The following CNTN1 variants were observed in gnomAD, a reference collection of about 807,000 sequenced individuals.
CNTN1 encodes the protein contactin 1.
Under a neutral mutation model 126.4 loss-of-function variants are expected in CNTN1, and 38 were observed. The observed-to-expected ratio is 0.30, with a 90% CI of 0.23 to 0.39. The LOEUF is 0.39. Among genes scored for constraint, CNTN1 ranks in the 10% least tolerant of loss-of-function variants. The pLI is 1.00. For missense variants in CNTN1, 1,009 were observed against 1,248.4 expected (o/e 0.81, Z 2.89); for synonymous variants, 413 against 422.6 (o/e 0.98, Z 0.28).
intron 11 of CNTN1, among the ~76,000 whole-genome samples, chr12:40,938,163 G>A (rs7305600): frequency 0.24 from 37,191 of 152,106 alleles, 4,966 homozygotes; most frequent in Middle Eastern, 0.34. Flanking sequence ...CTTGGAGTCT[G>A]CCAAGGGAAG....
At chr12:40,993,385 G>A in intron 17 of CNTN1, 116 bp downstream of exon 17, 2 of 847,734 alleles carry the variant, frequency 2.4e-6, no homozygotes, top group Non-Finnish European at 1.9e-6. Context: ...CATCTGAAAA[G>A]CATGTGTGTG....
Position 40,804,163 on chromosome 12 carries a change from C to A in CNTN1, c.-76-104194C>A, listed in dbSNP as rs138479624. On this transcript the variant is annotated intron_variant, in intron 1 of 23. Transcript: ENST00000551295. ...ACTTTTTTCTGGAAGTTACATAGAA[C>A]AAAAGACAGATCAGGTAAAAGCAGT... Among the ~76,000 whole-genome samples, 830 of 151,956 alleles carry A rather than the reference C, an allele frequency of 5.5e-3. 5 individuals carry two copies. Among genetic ancestry groups the A allele is most frequent in the African/African-American group, 0.018 (766 of 41,480 alleles).
chr12:40,846,698 G>C (rs915954312), intron 1 of CNTN1, among the ~76,000 whole-genome samples: 1 of 97,138 alleles, frequency 1.0e-5, no homozygotes, highest in Non-Finnish European at 2.3e-5. Context: ...AATTTTTGTT[G>C]TTGTTGCTGC....
chr12:41,048,217 T>C (rs966871850), intron 23 of CNTN1, among the ~76,000 whole-genome samples: 10 of 152,196 alleles, frequency 6.6e-5, no homozygotes. Context: ...CTTGAATTCA[T>C]GACCACAAAA....
At chr12:40,853,360 T>C (rs1429142268) in intron 1 of CNTN1, among the ~76,000 whole-genome samples, 1 of 152,122 alleles carries the variant, frequency 6.6e-6, no homozygotes, top group East Asian at 1.9e-4. Context: ...CCATTATTAG[T>C]GGATTAACTA....
At chr12:41,064,470 A>C (rs1950008181) in intron 23 of CNTN1, among the ~76,000 whole-genome samples, 1 of 152,246 alleles carries the variant, frequency 6.6e-6, no homozygotes, top group African/African-American at 2.4e-5. Flanking sequence ...AACAAGAAAT[A>C]AACTTCATGA....
intron 20 of CNTN1, among the ~76,000 whole-genome samples, chr12:41,020,703 T>G (rs1166730888): frequency 6.6e-6 from 1 of 152,218 alleles, no homozygotes; most frequent in African/African-American, 2.4e-5. Context: ...ATAACACTTA[T>G]GATTACCCAA....
chr12:40,903,365 C>A (rs1169292086), intron 1 of CNTN1, among the ~76,000 whole-genome samples: 1 of 148,696 alleles, frequency 6.7e-6, no homozygotes, highest in Non-Finnish European at 1.5e-5. Flanking sequence ...GCTCCTGTGA[C>A]TGGCACATGT....
intron 1 of CNTN1, among the ~76,000 whole-genome samples, chr12:40,707,567 A>G (rs149153813): frequency 4.6e-5 from 7 of 152,110 alleles, no homozygotes; most frequent in South Asian, 2.1e-4. Flanking sequence ...CTTCTTTTCT[A>G]ACAAAGGATG....
chr12:41,048,588 A>C (rs1306686848), intron 23 of CNTN1, among the ~76,000 whole-genome samples: 1 of 152,046 alleles, frequency 6.6e-6, no homozygotes, highest in Non-Finnish European at 1.5e-5. Flanking sequence ...CTTCTACATC[A>C]TTATATTTCT....
intron 22 of CNTN1, among the ~76,000 whole-genome samples, chr12:41,028,605 T>A (rs971235778): frequency 6.6e-6 from 1 of 152,138 alleles, no homozygotes; most frequent in Non-Finnish European, 1.5e-5. Flanking sequence ...TGTTTATAAA[T>A]GAATAAAAAG....
chr12:40,755,190 C>CA (rs557970110), intron 1 of CNTN1, among the ~76,000 whole-genome samples: 25 of 78,200 alleles, frequency 3.2e-4, no homozygotes, highest in Non-Finnish European at 4.8e-4. Flanking sequence ...GACCCCACCT[C>CA]AAAAAAAAAA....
At chr12:40,911,760 T>G (rs1945045936) in intron 3 of CNTN1, among the ~76,000 whole-genome samples, 1 of 152,168 alleles carries the variant, frequency 6.6e-6, no homozygotes, top group Non-Finnish European at 1.5e-5. Context: ...TATCTACCTT[T>G]AAAAACAAGG....
At chr12:40,905,458 A>G (rs1248001769) in intron 1 of CNTN1, among the ~76,000 whole-genome samples, 1 of 152,170 alleles carries the variant, frequency 6.6e-6, no homozygotes, top group Admixed American at 6.5e-5. Context: ...GCCCCTCAAT[A>G]GCAACACTGC....
intron 1 of CNTN1, among the ~76,000 whole-genome samples, chr12:40,738,434 G>A (rs866228974): frequency 3.9e-5 from 6 of 152,036 alleles, no homozygotes; most frequent in African/African-American, 1.4e-4. Flanking sequence ...AAATATGTGG[G>A]TGACTTTTGT....
chr12:41,025,304 G>C lies in CNTN1; in HGVS notation c.2678G>C (p.Ser893Thr), dbSNP rs2120820950. ...ACNSAGCGPP[S>T]DMIEAFTKKA... ...AATAGTGCAGGGTGTGGACCTCCAA[G>C]TGACATGATTGAGGCTTTCACCAAG... Residue 893 changes from serine to threonine, a missense_variant, in exon 21 of 24, where the codon AGT (serine) becomes ACT (threonine). Coordinates refer to ENST00000551295, the MANE Select transcript of CNTN1 (RefSeq NM_001843.4). 1 of 1,613,510 alleles carries C rather than the reference G, an allele frequency of 6.2e-7. No homozygotes were observed. Among genetic ancestry groups the C allele is most frequent in the South Asian group, 1.1e-5 (1 of 91,068 alleles).
chr12:40,710,125 T>C (rs1396013690), intron 1 of CNTN1, among the ~76,000 whole-genome samples: 2 of 152,148 alleles, frequency 1.3e-5, no homozygotes, highest in Admixed American at 6.6e-5. Flanking sequence ...GCCATTTTAT[T>C]TGACTTTTTT....
intron 23 of CNTN1, among the ~76,000 whole-genome samples, chr12:41,043,497 C>T (rs1472238907): frequency 1.3e-5 from 2 of 152,102 alleles, no homozygotes; most frequent in East Asian, 3.9e-4. Flanking sequence ...AGTCAGGAAA[C>T]AACAGGTGCT....
At chr12:40,711,822 C>T in intron 1 of CNTN1, among the ~76,000 whole-genome samples, 1 of 152,130 alleles carries the variant, frequency 6.6e-6, no homozygotes, top group East Asian at 1.9e-4. Flanking sequence ...AAGTGATCCT[C>T]CCATCTCAGC....
Sources: allele counts gnomAD v4.1 joint callset (sites outside exome capture counted in the v4.1 genomes callset), GRCh38; gene constraint gnomAD v4.1.1; transcripts MANE v1.5; gene names NCBI Gene and HGNC (gene_info 2026-07-23, HGNC 2026-07-21).